ENOX2: variants seen among roughly 807,000 people sequenced by gnomAD.
The protein encoded by ENOX2 is ecto-NOX disulfide-thiol exchanger 2, also known as APK1 antigen.
ENOX2 carries 36 observed loss-of-function variants against 45.0 expected under a neutral mutation model. The ratio of observed to expected loss-of-function variants is 0.80; its 90% confidence interval spans 0.61 to 1.06. ENOX2 has a LOEUF of 1.06. Among genes scored for constraint, ENOX2 ranks in the 50% least tolerant of loss-of-function variants. The probability of loss-of-function intolerance (pLI) is 0.00; values close to 1 mark genes in which losing one functional copy is unlikely to be tolerated. For synonymous variants in ENOX2, 174 were observed against 152.3 expected, an observed-to-expected ratio of 1.14 and a Z score of -1.05; for missense variants, 423 against 462.5, an observed-to-expected ratio of 0.91 and a Z score of 0.78.
Position 130,841,777 on chromosome X carries a change from T to A in ENOX2, c.-182-58087A>T, listed in dbSNP as rs193253228. 5.0e-3 allele frequency among the ~76,000 whole-genome samples: 565 copies of A among 112,124 alleles called. 2 individuals carry two copies. The highest frequency in any genetic ancestry group is 0.017 in the African/African-American group (538 of 30,866). ...TGGGAGACAGCATTTACTGTCTTTT[T>A]AACATAAATACATCAAGCTAGAATA... On this transcript the variant is annotated intron_variant, in intron 2 of 14. Transcript: ENST00000394363.
intron 3 of ENOX2, among the ~76,000 whole-genome samples, chrX:130,774,284 T>C (rs2039804446): frequency 8.9e-6 from 1 of 112,021 alleles, no homozygotes; most frequent in South Asian, 3.8e-4. Flanking sequence ...TGGAATCCTC[T>C]GGGGTGCTCT....
chrX:130,753,507 C>T (rs999498329), intron 3 of ENOX2, among the ~76,000 whole-genome samples: 6 of 111,184 alleles, frequency 5.4e-5, no homozygotes, highest in African/African-American at 2.0e-4. Flanking sequence ...TCTATCCTTC[C>T]CTGTCTGTCT....
rs749183760 is a variant in ENOX2, at chrX:130,842,898, TC to T, written c.-183+58785del. Among the ~76,000 whole-genome samples, 990 of 110,990 alleles carry T rather than the reference TC, an allele frequency of 8.9e-3. 4 individuals carry two copies. The highest frequency in any genetic ancestry group is 0.018 in the Middle Eastern group (4 of 218). On this transcript the variant is annotated intron_variant, in intron 2 of 14. Coordinates refer to ENST00000394363, the MANE Select transcript of ENOX2 (RefSeq NM_006375.4). The stretch of plus-strand genomic sequence containing the variant: ...GAGTTCATGGATACACCTCAAGAGG[TC>T]TGTGGACCTTCCTAAAATTGTATGC...
At chrX:130,653,414 C>T (rs192452244) in intron 10 of ENOX2, among the ~76,000 whole-genome samples, 7 of 112,046 alleles carry the variant, frequency 6.2e-5, no homozygotes, top group Non-Finnish European at 1.3e-4. Flanking sequence ...GCATACATAG[C>T]CCTCCATAAT....
At chrX:130,640,407 T>C (rs1245119696) in intron 10 of ENOX2, among the ~76,000 whole-genome samples, 1 of 112,344 alleles carries the variant, frequency 8.9e-6, no homozygotes, top group Non-Finnish European at 1.9e-5. Flanking sequence ...ACTGGGTATA[T>C]ACCCAAAGGA....
At chrX:130,807,527 A>T (rs983724239) in intron 2 of ENOX2, among the ~76,000 whole-genome samples, 1 of 111,668 alleles carries the variant, frequency 9.0e-6, no homozygotes, top group Non-Finnish European at 1.9e-5. Flanking sequence ...AGTCACAGCT[A>T]ATTAATGGCA....
At chrX:130,709,395 T>C (rs969312887) in intron 3 of ENOX2, 35 of 755,194 alleles carry the variant, frequency 4.6e-5, no homozygotes, top group Middle Eastern at 5.8e-4. Context: ...TCCCAGCACT[T>C]TGGGAGGCGG....
At chrX:130,725,075 A>G (rs1228508401) in intron 3 of ENOX2, among the ~76,000 whole-genome samples, 1 of 111,752 alleles carries the variant, frequency 8.9e-6, no homozygotes, top group Non-Finnish European at 1.9e-5. Context: ...TTTGTGATCC[A>G]AGTTATCTCT....
intron 2 of ENOX2, among the ~76,000 whole-genome samples, chrX:130,807,164 C>A (rs2077316793): frequency 8.9e-6 from 1 of 111,949 alleles, no homozygotes; most frequent in Non-Finnish European, 1.9e-5. Flanking sequence ...TAAATTTAGC[C>A]ATCTATTTTG....
intron 10 of ENOX2, among the ~76,000 whole-genome samples, chrX:130,649,092 C>CT (rs1413803182): frequency 1.2e-4 from 12 of 101,405 alleles, no homozygotes; most frequent in Admixed American, 3.2e-4. Context: ...GACACCTCCC[C>CT]TCTCCTCTTG....
At chrX:130,837,173 T>C (rs986168480) in intron 2 of ENOX2, among the ~76,000 whole-genome samples, 3 of 112,406 alleles carry the variant, frequency 2.7e-5, no homozygotes, top group Non-Finnish European at 5.6e-5. Context: ...TACAGACTAA[T>C]CAATTTTCAT....
intron 2 of ENOX2, among the ~76,000 whole-genome samples, chrX:130,809,923 A>C (rs1208629630): frequency 1.8e-5 from 2 of 111,527 alleles, no homozygotes; most frequent in Non-Finnish European, 3.8e-5. Context: ...TCCTCTCCCC[A>C]CAGAAACATC....
intron 2 of ENOX2, among the ~76,000 whole-genome samples, chrX:130,846,666 T>C (rs763831608): frequency 8.9e-6 from 1 of 112,848 alleles, no homozygotes; most frequent in East Asian, 2.8e-4. Flanking sequence ...AAGCTAACAT[T>C]GTACATGCAA....
intron 10 of ENOX2, among the ~76,000 whole-genome samples, chrX:130,637,637 C>G (rs2035965877): frequency 9.0e-6 from 1 of 111,490 alleles, no homozygotes; most frequent in Admixed American, 9.5e-5. Context: ...TCAAATATAA[C>G]TAAGATATTT....
At chrX:130,761,826 G>A (rs902536796) in intron 3 of ENOX2, among the ~76,000 whole-genome samples, 17 of 111,176 alleles carry the variant, frequency 1.5e-4, no homozygotes, top group Non-Finnish European at 3.0e-4. Flanking sequence ...CCTCCCACCA[G>A]GCCCCACCTC....
chrX:130,663,818 G>A (rs1196150839), intron 9 of ENOX2, among the ~76,000 whole-genome samples: 5 of 111,152 alleles, frequency 4.5e-5, no homozygotes, highest in East Asian at 2.8e-4. Context: ...TAAATTTAGC[G>A]TGTGAAACTC....
intron 2 of ENOX2, among the ~76,000 whole-genome samples, chrX:130,805,092 C>A (rs1254395291): frequency 9.0e-6 from 1 of 111,504 alleles, no homozygotes; most frequent in South Asian, 3.8e-4. Flanking sequence ...CACCAGATGC[C>A]AGATCTGCTG....
intron 5 of ENOX2, among the ~76,000 whole-genome samples, chrX:130,683,446 T>C (rs771252725): frequency 1.8e-5 from 2 of 112,304 alleles, no homozygotes; most frequent in African/African-American, 6.5e-5. Context: ...TAACTCTCTT[T>C]ATAGCATTCA....
At chrX:130,666,700 T>C (rs1426556048) in intron 8 of ENOX2, among the ~76,000 whole-genome samples, 1 of 111,966 alleles carries the variant, frequency 8.9e-6, no homozygotes, top group East Asian at 2.8e-4. Context: ...TATGCCCATA[T>C]ATACTTTCAA....
Sources: allele counts gnomAD v4.1 joint callset (sites outside exome capture counted in the v4.1 genomes callset), GRCh38; gene constraint gnomAD v4.1.1; transcripts MANE v1.5; gene names NCBI Gene and HGNC (gene_info 2026-07-23, HGNC 2026-07-21).